Variants in KCNH7 observed in about 807,000 individuals in gnomAD.
KCNH7 encodes the protein voltage-gated inwardly rectifying potassium channel KCNH7.
A neutral mutation model predicts 120.8 loss-of-function variants in KCNH7; 49 were observed. That is an observed-to-expected ratio of 0.41 (90% CI 0.32 to 0.51). The LOEUF (loss-of-function observed/expected upper bound fraction) is 0.51. Ranked by LOEUF, KCNH7 falls within the 20% of genes least tolerant of loss-of-function variation. KCNH7 has a pLI of 0.38. For missense variants in KCNH7, 1,097 were observed against 1,446.6 expected, an observed-to-expected ratio of 0.76 and a Z score of 3.92; for synonymous variants, 547 against 516.1, an observed-to-expected ratio of 1.06 and a Z score of -0.81.
At chr2:162,595,806 A>G (rs561787706) in intron 2 of KCNH7, among the ~76,000 whole-genome samples, 1 of 152,208 alleles carries the variant, frequency 6.6e-6, no homozygotes, top group South Asian at 2.1e-4. Context: ...ATGATCTTGT[A>G]TATAGAAAAC....
chr2:162,593,675 A>T (rs1694285960), intron 2 of KCNH7, among the ~76,000 whole-genome samples: 1 of 151,988 alleles, frequency 6.6e-6, no homozygotes, highest in African/African-American at 2.4e-5. Context: ...TTCAGTCTTG[A>T]TAATTAATCA....
chr2:162,629,767 A>G (rs1485057860), intron 2 of KCNH7, among the ~76,000 whole-genome samples: 1 of 152,094 alleles, frequency 6.6e-6, no homozygotes, highest in Admixed American at 6.6e-5. Context: ...AGCAAATGCT[A>G]TAGATCAGGG....
At chr2:162,623,440 A>T (rs762240896) in intron 2 of KCNH7, among the ~76,000 whole-genome samples, 2 of 152,204 alleles carry the variant, frequency 1.3e-5, no homozygotes, top group Non-Finnish European at 2.9e-5. Flanking sequence ...ACATTTTCTT[A>T]TAAAAGAATT....
At chr2:162,770,686 CTT>C (rs3052919) in intron 2 of KCNH7, among the ~76,000 whole-genome samples, 42,383 of 151,702 alleles carry the variant, frequency 0.28, 6,840 homozygotes, top group African/African-American at 0.45. Flanking sequence ...TCTCATGAAT[CTT>C]TATTTATTTT....
At chr2:162,827,164 C>T (rs1041534229) in intron 2 of KCNH7, among the ~76,000 whole-genome samples, 73 of 152,010 alleles carry the variant, frequency 4.8e-4, no homozygotes, top group African/African-American at 1.5e-3. Flanking sequence ...ATAAACCAGA[C>T]GCTCTCCACA....
chr2:162,549,567 G>A (rs1198586853), intron 2 of KCNH7, among the ~76,000 whole-genome samples: 1 of 152,164 alleles, frequency 6.6e-6, no homozygotes, highest in African/African-American at 2.4e-5. Context: ...CACTGGGAGA[G>A]ACTTTTTGAT....
chr2:162,794,853 A>G (rs1684080939), intron 2 of KCNH7, among the ~76,000 whole-genome samples: 1 of 152,064 alleles, frequency 6.6e-6, no homozygotes, highest in African/African-American at 2.4e-5. Context: ...AAATGACCTT[A>G]TTAATATGCA....
chr2:162,573,384 AC>A (rs1366384980), intron 2 of KCNH7, among the ~76,000 whole-genome samples: 1 of 152,064 alleles, frequency 6.6e-6, no homozygotes, highest in Non-Finnish European at 1.5e-5. Flanking sequence ...TGAAAGATAT[AC>A]AAAAATGAAT....
intron 2 of KCNH7, among the ~76,000 whole-genome samples, chr2:162,564,397 A>G (rs1168901003): frequency 1.3e-5 from 2 of 152,168 alleles, no homozygotes; most frequent in Non-Finnish European, 2.9e-5. Context: ...GGAATGTTAC[A>G]TTTGCAGAAT....
At chr2:162,603,374 T>C (rs987626805) in intron 2 of KCNH7, among the ~76,000 whole-genome samples, 1 of 152,134 alleles carries the variant, frequency 6.6e-6, no homozygotes, top group Non-Finnish European at 1.5e-5. Context: ...TCATTTGTTC[T>C]TAAATTTGCT....
rs1686343031 is a variant in KCNH7 at position 162,379,743 on chromosome 2, T to C, written c.3131+110A>G. The C allele has an allele frequency of 5.8e-6, 6 of 1,032,620 alleles. No individual in the cohort carries two copies. In the East Asian group the frequency reaches 1.5e-4, roughly 25 times the overall value. The allele number at this position is 1,032,620 out of a possible 1,614,324, so 64.0% of individuals were successfully genotyped here. A position where few individuals can be genotyped will look rare whatever the true frequency, so the allele number is the denominator to read the frequency against. On this transcript the variant is annotated intron_variant, in intron 14 of 15. Transcript: ENST00000332142. The stretch of plus-strand genomic sequence containing the variant: ...GTCTTATTTTAAATAAGTAAATGTA[T>C]AAGGAAATTATGAGATCATGGCAAG...
In KCNH7 at chr2:162,517,837, C is replaced by A. The variant is rs752721502; in HGVS notation, c.785G>T (p.Arg262Ile). The change falls in exon 4 of 16, where the codon AGA becomes ATA. Residue 262 changes from arginine (R) to isoleucine (I), a missense_variant. By Grantham distance (97) the Arg-to-Ile change is moderately conservative (BLOSUM62 -3). Transcript: ENST00000332142. ...LQSSSQLSHSRSRESLCSIRR... is the reference protein window; with the variant it reads ...LQSSSQLSHSISRESLCSIRR... ...TATACTACATAAGCTTTCCCTTGAT[C>A]TGGAATGGGACAGCTGGGAACTTGA... 3 of 1,612,326 alleles carry A rather than the reference C, an allele frequency of 1.9e-6. No homozygotes were observed. The highest frequency in any genetic ancestry group is 2.5e-6 in the Non-Finnish European group (3 of 1,178,880).
At chr2:162,573,200 G>A (rs1693552535) in intron 2 of KCNH7, among the ~76,000 whole-genome samples, 1 of 151,998 alleles carries the variant, frequency 6.6e-6, no homozygotes, top group African/African-American at 2.4e-5. Flanking sequence ...AATGTAAATA[G>A]GATCATGTGT....
chr2:162,495,704 A>G (rs1021126908), intron 6 of KCNH7, among the ~76,000 whole-genome samples: 2 of 152,202 alleles, frequency 1.3e-5, no homozygotes, highest in African/African-American at 4.8e-5. Context: ...GCTTTTGCCA[A>G]CATTTTAGAC....
At chr2:162,710,683 T>G (rs1574293529) in intron 2 of KCNH7, among the ~76,000 whole-genome samples, 1 of 152,294 alleles carries the variant, frequency 6.6e-6, no homozygotes, top group East Asian at 1.9e-4. Flanking sequence ...TGCGTAAGGA[T>G]GCAATAAGTA....
At chr2:162,666,891 C>T (rs1685150271) in intron 2 of KCNH7, among the ~76,000 whole-genome samples, 1 of 152,114 alleles carries the variant, frequency 6.6e-6, no homozygotes, top group Non-Finnish European at 1.5e-5. Context: ...GATCTTTAGT[C>T]ACTGCCATGT....
intron 2 of KCNH7, among the ~76,000 whole-genome samples, chr2:162,805,797 C>T (rs1326846645): frequency 1.3e-5 from 2 of 152,062 alleles, no homozygotes; most frequent in African/African-American, 2.4e-5. Flanking sequence ...TTTGTTGCAG[C>T]ACAATTCAAA....
At chr2:162,618,044 A>AT (rs1485702374) in intron 2 of KCNH7, among the ~76,000 whole-genome samples, 1 of 151,994 alleles carries the variant, frequency 6.6e-6, no homozygotes, top group Non-Finnish European at 1.5e-5. Flanking sequence ...GAAGAAATGA[A>AT]TAATAATATT....
At chr2:162,570,193 G>A (rs1477081981) in intron 2 of KCNH7, among the ~76,000 whole-genome samples, 1 of 148,746 alleles carries the variant, frequency 6.7e-6, no homozygotes, top group East Asian at 2.0e-4. Context: ...CTCAGGACTT[G>A]CTTTATGAAT....
Sources: allele counts gnomAD v4.1 joint callset (sites outside exome capture counted in the v4.1 genomes callset), GRCh38; gene constraint gnomAD v4.1.1; transcripts MANE v1.5; gene names NCBI Gene and HGNC (gene_info 2026-07-23, HGNC 2026-07-21).